DSCAM: variants seen among roughly 807,000 people sequenced by gnomAD.
DSCAM encodes the protein cell adhesion molecule DSCAM.
In DSCAM, 47 loss-of-function variants were observed where a neutral mutation model predicts 217.7. The ratio of observed to expected loss-of-function variants is 0.22; its 90% CI spans 0.17 to 0.28. The LOEUF (loss-of-function observed/expected upper bound fraction) is 0.28, where lower values mean the gene tolerates loss of function less well. DSCAM is among the 10% of genes least tolerant of loss of function. The probability of loss-of-function intolerance (pLI) is 1.00; values close to 1 mark genes in which losing one functional copy is unlikely to be tolerated. For missense variants in DSCAM, 2,080 were observed against 2,618.3 expected (o/e 0.79, Z 4.49); for synonymous variants, 1,056 against 1,015.3 (o/e 1.04, Z -0.76).
At chr21:40,152,181 A>C (rs560631194) in intron 16 of DSCAM, among the ~76,000 whole-genome samples, 1 of 152,338 alleles carries the variant, frequency 6.6e-6, no homozygotes, top group South Asian at 2.1e-4. Flanking sequence ...TAAGAACTCA[A>C]TAAAACAAGG....
In DSCAM at chr21:40,283,084, G is replaced by A. The variant is rs1037612350; in HGVS notation, c.2183-6814C>T. Among the ~76,000 whole-genome samples the A allele has an allele frequency of 3.9e-5, 6 of 152,206 alleles. No individual in the cohort carries two copies. In the South Asian group the frequency reaches 6.2e-4, roughly 16 times the overall value. Reference sequence around the variant, plus strand: ...TGCCAACTGATTCATCTACTATGAGGACTACAGTTCCAAGGGCTAGCATTT... The same window carrying A: ...TGCCAACTGATTCATCTACTATGAGAACTACAGTTCCAAGGGCTAGCATTT... On this transcript the variant is annotated intron_variant, in intron 10 of 32. Coordinates refer to ENST00000400454, the MANE Select transcript of DSCAM (RefSeq NM_001389.5).
intron 32 of DSCAM, among the ~76,000 whole-genome samples, chr21:40,014,217 C>T (rs1356374329): frequency 6.6e-6 from 1 of 152,114 alleles, no homozygotes; most frequent in African/African-American, 2.4e-5. Context: ...ATGGCAAAAC[C>T]CCCTCTCTAC....
intron 11 of DSCAM, among the ~76,000 whole-genome samples, chr21:40,218,495 T>C (rs957582157): frequency 2.6e-5 from 4 of 152,198 alleles, no homozygotes; most frequent in South Asian, 2.1e-4. Flanking sequence ...TGGTTCCATA[T>C]GAATTTCAAA....
chr21:40,820,568 T>C (rs1002393356), intron 1 of DSCAM, among the ~76,000 whole-genome samples: 6 of 152,160 alleles, frequency 3.9e-5, no homozygotes, highest in Non-Finnish European at 8.8e-5. Flanking sequence ...ATGGCACATG[T>C]ATACCTCTGT....
At chr21:40,768,249 A>T (rs942295009) in intron 1 of DSCAM, among the ~76,000 whole-genome samples, 6 of 152,018 alleles carry the variant, frequency 3.9e-5, no homozygotes, top group Admixed American at 3.9e-4. Flanking sequence ...TTGCACCCAG[A>T]TGGCACCCCA....
chr21:40,226,988 A>G (rs2091339170), intron 11 of DSCAM, among the ~76,000 whole-genome samples: 1 of 152,158 alleles, frequency 6.6e-6, no homozygotes, highest in South Asian at 2.1e-4. Context: ...CTTGTAAGTG[A>G]GAACATGTAG....
Position 40,256,914 on chromosome 21 carries a change from TCACATAATATCACTA to T in DSCAM, c.2356+19168_2356+19182del, listed in dbSNP as rs541015517. Among the ~76,000 whole-genome samples, 512 of 152,236 alleles carry T rather than the reference TCACATAATATCACTA, an allele frequency of 3.4e-3. 1 individual carries two copies. Among genetic ancestry groups the T allele is most frequent in the African/African-American group, 0.012 (481 of 41,526 alleles). On this transcript the variant is annotated intron_variant, in intron 11 of 32. Transcript: ENST00000400454. ...ACAATAACAAGGTTATACTTCCACT[TCACATAATATCACTA>T]CCCTGAGCACAACTGAAAGCACACA...
intron 11 of DSCAM, among the ~76,000 whole-genome samples, chr21:40,267,137 T>A (rs1278115301): frequency 1.3e-5 from 2 of 151,922 alleles, no homozygotes; most frequent in Admixed American, 6.6e-5. Flanking sequence ...AAACAATTCA[T>A]CTATGTCATC....
chr21:40,529,094 T>A (rs541980577), intron 3 of DSCAM, among the ~76,000 whole-genome samples: 1 of 151,872 alleles, frequency 6.6e-6, no homozygotes, highest in South Asian at 2.1e-4. Context: ...TTAGTAGAGA[T>A]GGGATTTCAC....
At chr21:40,115,263 A>G (rs2089955160) in intron 20 of DSCAM, among the ~76,000 whole-genome samples, 1 of 152,054 alleles carries the variant, frequency 6.6e-6, no homozygotes, top group Admixed American at 6.5e-5. Context: ...TGTCCTTTGT[A>G]GGGACATGGA....
intron 10 of DSCAM, among the ~76,000 whole-genome samples, chr21:40,290,756 T>C (rs2073882201): frequency 6.6e-6 from 1 of 152,200 alleles, no homozygotes. Context: ...GAGCCGCCAA[T>C]ATCTGTCCTT....
chr21:40,387,361 A>G (rs1240256324), intron 3 of DSCAM, among the ~76,000 whole-genome samples: 2 of 149,000 alleles, frequency 1.3e-5, no homozygotes, highest in Non-Finnish European at 3.0e-5. Flanking sequence ...AAAAGATTGG[A>G]CCTCCAAAAA....
intron 1 of DSCAM, among the ~76,000 whole-genome samples, chr21:40,791,814 G>A (rs1031500996): frequency 1.2e-4 from 19 of 152,088 alleles, no homozygotes; most frequent in African/African-American, 4.6e-4. Context: ...CCAACCTTAG[G>A]GACTCAGGCC....
At chr21:40,665,875 C>A (rs2090193710) in intron 3 of DSCAM, among the ~76,000 whole-genome samples, 1 of 152,322 alleles carries the variant, frequency 6.6e-6, no homozygotes, top group East Asian at 1.9e-4. Context: ...GTGAAGATTG[C>A]AGAACCATGG....
intron 3 of DSCAM, among the ~76,000 whole-genome samples, chr21:40,487,326 TGAGAGAGAGAGAGAGA>T (rs10598197): frequency 9.2e-4 from 67 of 72,848 alleles, no homozygotes; most frequent in African/African-American, 4.0e-3. Flanking sequence ...TGTGTGTGTG[TGAGAGAGAGAGAGAGA>T]GAGAGAGAGA....
chr21:40,792,999 T>C lies in DSCAM; in HGVS notation c.43+53620A>G, dbSNP rs77533464. Reference sequence around the variant, plus strand: ...GCCATATTTAGTTCTTAGATGTATATTTAGGTCCAAAAGGTAAAATACATA... The same window carrying C: ...GCCATATTTAGTTCTTAGATGTATACTTAGGTCCAAAAGGTAAAATACATA... On this transcript the variant is annotated intron_variant, in intron 1 of 32. Transcript: ENST00000400454. Among the ~76,000 whole-genome samples, 48 of 152,358 alleles carry C rather than the reference T, an allele frequency of 3.2e-4. 1 individual carries two copies. In the East Asian group the frequency reaches 9.1e-3, roughly 29 times the overall value.
intron 3 of DSCAM, among the ~76,000 whole-genome samples, chr21:40,561,624 TG>T: frequency 6.6e-6 from 1 of 152,198 alleles, no homozygotes; most frequent in Non-Finnish European, 1.5e-5. Flanking sequence ...TAATAAAACG[TG>T]GGGTTTGTGA....
intron 32 of DSCAM, among the ~76,000 whole-genome samples, chr21:40,036,529 T>C (rs1209701768): frequency 2.7e-5 from 4 of 145,572 alleles, no homozygotes; most frequent in African/African-American, 1.1e-4. Context: ...AATCAATAGC[T>C]TACCAACCAA....
intron 3 of DSCAM, among the ~76,000 whole-genome samples, chr21:40,380,978 G>C (rs1004538604): frequency 6.6e-6 from 1 of 151,382 alleles, no homozygotes; most frequent in Non-Finnish European, 1.5e-5. Flanking sequence ...CAGGAGAATG[G>C]CGGGAACCCG....
Sources: allele counts gnomAD v4.1 joint callset (sites outside exome capture counted in the v4.1 genomes callset), GRCh38; gene constraint gnomAD v4.1.1; transcripts MANE v1.5; gene names NCBI Gene and HGNC (gene_info 2026-07-23, HGNC 2026-07-21).